Variants in MYH14 observed in about 807,000 individuals in gnomAD.
MYH14 encodes myosin heavy chain 14.
In MYH14, 123 loss-of-function variants were observed where a neutral mutation model predicts 255.5. The observed-to-expected ratio is 0.48, with a 90% CI of 0.42 to 0.56. The LOEUF (loss-of-function observed/expected upper bound fraction) is 0.56, where lower values mean the gene tolerates loss of function less well. Among genes scored for constraint, MYH14 ranks in the 20% least tolerant of loss-of-function variants. The probability of loss-of-function intolerance (pLI) is 0.00; values close to 1 mark genes in which losing one functional copy is unlikely to be tolerated. For synonymous variants in MYH14, 1,095 were observed against 1,161.2 expected (o/e 0.94, Z 1.16); for missense variants, 2,423 against 2,802.3 (o/e 0.86, Z 3.06).
chr19:50,289,641 C>T lies in MYH14; in HGVS notation c.4958C>T (p.Ala1653Val), dbSNP rs754661247. Residue 1653 changes from alanine to valine, a missense_variant, in exon 35 of 43, where the codon GCC (alanine) becomes GTC (valine). Physicochemically the swap from Ala to Val is moderately conservative, Grantham distance 64. Coordinates refer to ENST00000642316, the MANE Select transcript of MYH14 (RefSeq NM_001145809.2). ...EAGEERRRQLAKQLRDAEVER... is the reference protein window; with the variant it reads ...EAGEERRRQLVKQLRDAEVER... ...GGTGAAGAGAGGCGGAGGCAGCTGG[C>T]CAAGCAGGTATTGTCACACAGAAGG... The T allele has an allele frequency of 7.5e-6, 12 of 1,606,098 alleles. No homozygotes were observed. Among genetic ancestry groups the T allele is most frequent in the Non-Finnish European group, 8.5e-6 (10 of 1,177,212 alleles).
intron 22 of MYH14, among the ~76,000 whole-genome samples, chr19:50,265,834 A>C (rs564816307): frequency 6.6e-6 from 1 of 152,086 alleles, no homozygotes; most frequent in Non-Finnish European, 1.5e-5. Flanking sequence ...ATAAATAAAT[A>C]AATAAAAATA....
In MYH14 at chr19:50,260,679, G is replaced by T; in HGVS notation, c.2388G>T (p.Lys796Asn). Residue 796 changes from lysine to asparagine, a missense_variant, in exon 20 of 43, where the codon AAG becomes AAT. This residue lies in a region of MYH14 where 672 missense variants were observed against 881.8 expected (regional missense o/e 0.76). Transcript: ENST00000642316. ...TCCTGACACCCAATGCCATCCCCAA[G>T]GGCTTCATGGATGGGAAGCAGGCCT... Reference protein sequence around the residue: ...YEILTPNAIPKGFMDGKQACE... With the variant: ...YEILTPNAIPNGFMDGKQACE... The T allele has an allele frequency of 6.2e-7, 1 of 1,613,432 alleles. No individual in the cohort carries two copies. The highest frequency in any genetic ancestry group is 1.7e-5 in the Admixed American group (1 of 59,940).
At chr19:50,283,887 A>G (rs2035802547) in intron 33 of MYH14, among the ~76,000 whole-genome samples, 2 of 152,204 alleles carry the variant, frequency 1.3e-5, no homozygotes, top group South Asian at 4.1e-4. Context: ...AGCCTGACCA[A>G]CATGGAGAAA....
At position 50,310,051 on chromosome 19, in the gene MYH14, A is replaced by G. The variant is rs1362626543; in HGVS notation, c.*261A>G. 3.4e-6 allele frequency: 2 copies of G among 579,818 alleles called. No homozygotes were observed. The highest frequency in any genetic ancestry group is 6.1e-6 in the Non-Finnish European group (2 of 327,488). The allele number at this position is 579,818 out of a possible 1,614,324, so 35.9% of individuals were successfully genotyped here. On this transcript the variant is annotated 3_prime_UTR_variant, in exon 43 of 43. Transcript: ENST00000642316. ...GTTGGGGGACTGGGTACAGTTGGCA[A>G]GCTGTGTTTCCATCAGCTCCCTGTC...
rs994572245 is a variant in MYH14, at chr19:50,280,276, C to T, written c.4183C>T (p.Arg1395Trp). ...ETRAKLALGSRVRAMEAEAAG... is the reference protein window; with the variant it reads ...ETRAKLALGSWVRAMEAEAAG... Reference sequence around the variant, plus strand: ...CAGGGCGAAATTGGCCTTGGGGTCCCGGGTGCGAGCCATGGAGGCTGAGGC... The same window carrying T: ...CAGGGCGAAATTGGCCTTGGGGTCCTGGGTGCGAGCCATGGAGGCTGAGGC... The change falls in exon 32 of 43, where the codon CGG becomes TGG. Residue 1395 changes from arginine to tryptophan, a missense_variant. Coordinates refer to ENST00000642316, the MANE Select transcript of MYH14 (RefSeq NM_001145809.2). The surrounding 1 kb of genome is among the most constrained non-coding windows in gnomAD (Gnocchi z 4.8). 18 of 1,551,378 alleles carry T rather than the reference C, an allele frequency of 1.2e-5. No individual in the cohort carries two copies. The highest frequency in any genetic ancestry group is 2.7e-5 in the African/African-American group (2 of 73,036).
chr19:50,293,176 G>C lies in MYH14; in HGVS notation c.5257-57G>C. 1 of 1,263,706 alleles carries C rather than the reference G, an allele frequency of 7.9e-7. No homozygotes were observed. 78.3% of individuals were successfully genotyped at this position (1,263,706 alleles called of 1,614,324 possible). ...GTGTGAGGGACAGAGAAAGGGGTGA[G>C]ACCCGTGCCCAGATTGCTTCTCCTC... On this transcript the variant is annotated intron_variant, in intron 37 of 42. Transcript: ENST00000642316. This position sits in a 1 kb window ranked among gnomAD's most constrained non-coding sequence, Gnocchi z 4.1.
intron 24 of MYH14, 59 bp downstream of exon 24, chr19:50,268,426 A>T: frequency 6.7e-7 from 1 of 1,498,122 alleles, no homozygotes; most frequent in South Asian, 1.2e-5. Context: ...TACACCATCC[A>T]CCTTTGCTTC....
intron 24 of MYH14, among the ~76,000 whole-genome samples, chr19:50,270,651 T>A (rs1337254657): frequency 6.6e-6 from 1 of 151,774 alleles, no homozygotes; most frequent in Non-Finnish European, 1.5e-5. Flanking sequence ...TTTCTATAAT[T>A]TGTGTATTTA....
chr19:50,254,859 A>G (rs1416875005), intron 16 of MYH14, among the ~76,000 whole-genome samples: 1 of 152,224 alleles, frequency 6.6e-6, no homozygotes, highest in East Asian at 1.9e-4. Context: ...AAAAACAACA[A>G]GTGGCCTGGG....
intron 2 of MYH14, among the ~76,000 whole-genome samples, chr19:50,213,759 G>C (rs541776982): frequency 1.3e-5 from 2 of 152,312 alleles, no homozygotes; most frequent in Admixed American, 6.5e-5. Flanking sequence ...GAAGCCATTT[G>C]CCCAACAGAA....
chr19:50,227,748 A>T (rs983071285), intron 8 of MYH14, among the ~76,000 whole-genome samples: 2 of 152,170 alleles, frequency 1.3e-5, no homozygotes, highest in Non-Finnish European at 2.9e-5. Flanking sequence ...GAGTGCAGAA[A>T]TTAAGAGAAT....
At chr19:50,299,164 A>G (rs1246235033) in intron 39 of MYH14, among the ~76,000 whole-genome samples, 1 of 152,202 alleles carries the variant, frequency 6.6e-6, no homozygotes, top group Admixed American at 6.5e-5. Flanking sequence ...TTTCCAGGAA[A>G]CACAGAGGAG....
At chr19:50,309,309 A>G in intron 42 of MYH14, 132 bp downstream of exon 42, 1 of 924,798 alleles carries the variant, frequency 1.1e-6, no homozygotes, top group Non-Finnish European at 1.7e-6. Context: ...CTGTGGGAGC[A>G]GCGGCTGTGT....
At chr19:50,287,181 C>T (rs1370248954) in intron 34 of MYH14, among the ~76,000 whole-genome samples, 1 of 152,092 alleles carries the variant, frequency 6.6e-6, no homozygotes, top group African/African-American at 2.4e-5. Context: ...ACACACACAG[C>T]GTGAAGAGAA....
intron 33 of MYH14, among the ~76,000 whole-genome samples, chr19:50,282,545 AC>A (rs1242517488): frequency 6.6e-6 from 1 of 152,184 alleles, no homozygotes; most frequent in East Asian, 1.9e-4. Context: ...CTACTAAAAT[AC>A]AAAAAAATTA....
chr19:50,259,542 C>T (rs892368179), intron 19 of MYH14, among the ~76,000 whole-genome samples: 1 of 152,142 alleles, frequency 6.6e-6, no homozygotes, highest in Non-Finnish European at 1.5e-5. Flanking sequence ...AAACTATGAA[C>T]GTGAAATCAC....
chr19:50,279,314 A>G (rs541970689), intron 30 of MYH14, among the ~76,000 whole-genome samples: 24 of 152,286 alleles, frequency 1.6e-4, no homozygotes, highest in African/African-American at 5.3e-4. Flanking sequence ...AGCTCGTAGC[A>G]TAATTCCTTT....
intron 39 of MYH14, among the ~76,000 whole-genome samples, chr19:50,297,158 G>A: frequency 6.6e-6 from 1 of 151,962 alleles, no homozygotes; most frequent in East Asian, 1.9e-4. Context: ...GCTAATATTT[G>A]TATTTTTAAT....
chr19:50,209,589 C>T (rs1476367703), intron 1 of MYH14, among the ~76,000 whole-genome samples: 3 of 150,694 alleles, frequency 2.0e-5, no homozygotes, highest in South Asian at 2.1e-4. Context: ...TCGAGACCAA[C>T]CTGGATAACA....
Sources: allele counts gnomAD v4.1 joint callset (sites outside exome capture counted in the v4.1 genomes callset), GRCh38; gene constraint gnomAD v4.1.1; regional missense constraint gnomAD v4.1.1; non-coding constraint Gnocchi (gnomAD v3.1); transcripts MANE v1.5; gene names NCBI Gene and HGNC (gene_info 2026-07-23, HGNC 2026-07-21).